Variants in GAS7 observed in about 807,000 individuals in gnomAD.
The protein encoded by GAS7 is growth arrest specific 7.
GAS7 carries 28 observed loss-of-function variants against 71.1 expected under a neutral mutation model. The observed-to-expected ratio is 0.39, with a 90% confidence interval of 0.29 to 0.54. The LOEUF is 0.54. GAS7 is among the 20% of genes least tolerant of loss of function. The pLI, the probability that GAS7 is intolerant of heterozygous loss-of-function variation, is 0.62. For missense variants in GAS7, 436 were observed against 627.8 expected (o/e 0.69, Z 3.27); for synonymous variants, 258 against 245.8 (o/e 1.05, Z -0.46).
chr17:10,185,342 T>G (rs1374908408), intron 1 of GAS7, among the ~76,000 whole-genome samples: 1 of 152,100 alleles, frequency 6.6e-6, no homozygotes, highest in East Asian at 1.9e-4. Context: ...TGCCCTGGCA[T>G]TGAACAGGCA....
At chr17:9,998,678 A>AGAAAAG (rs368017485) in intron 2 of GAS7, among the ~76,000 whole-genome samples, 20,205 of 149,790 alleles carry the variant, frequency 0.13, 1,873 homozygotes, top group African/African-American at 0.25. Flanking sequence ...ACAGAAAGAC[A>AGAAAAG]GAAAAGGAAA....
At chr17:9,939,730 C>T (rs1480597747) in intron 8 of GAS7, among the ~76,000 whole-genome samples, 1 of 152,160 alleles carries the variant, frequency 6.6e-6, no homozygotes, top group Non-Finnish European at 1.5e-5. Context: ...CTGCCTCAGC[C>T]TCCCAAGTAG....
chr17:10,154,512 C>A (rs72810903), intron 1 of GAS7, among the ~76,000 whole-genome samples: 14,770 of 143,538 alleles, frequency 0.1, 877 homozygotes, highest in Non-Finnish European at 0.14. Flanking sequence ...TCAAGAAAAA[C>A]AAAAAAAAAA....
intron 2 of GAS7, among the ~76,000 whole-genome samples, chr17:9,991,464 G>A (rs187700791): frequency 7.1e-4 from 108 of 152,316 alleles, no homozygotes; most frequent in Non-Finnish European, 2.2e-4. Context: ...ATGGGATGAA[G>A]CAGAGGCCCC....
chr17:10,082,460 C>A (rs1236194431), intron 1 of GAS7, among the ~76,000 whole-genome samples: 12 of 152,180 alleles, frequency 7.9e-5, no homozygotes, highest in Admixed American at 7.9e-4. Flanking sequence ...CCATGGGAAA[C>A]TACATCATAC....
chr17:10,127,158 C>A (rs1236056103), intron 1 of GAS7, among the ~76,000 whole-genome samples: 1 of 152,196 alleles, frequency 6.6e-6, no homozygotes, highest in Admixed American at 6.5e-5. Context: ...ATGCTCCCTG[C>A]ATTTTGAACC....
chr17:10,064,967 T>C (rs1287665111), intron 1 of GAS7, among the ~76,000 whole-genome samples: 1 of 151,822 alleles, frequency 6.6e-6, no homozygotes, highest in Non-Finnish European at 1.5e-5. Context: ...ACTACAGGTG[T>C]GTGCCACCAC....
intron 1 of GAS7, among the ~76,000 whole-genome samples, chr17:10,116,506 T>C (rs932311825): frequency 1.3e-5 from 2 of 151,970 alleles, no homozygotes; most frequent in Admixed American, 1.3e-4. Flanking sequence ...GCCGGGCTGC[T>C]CACAGCCACT....
In GAS7 at chr17:9,916,355, G is replaced by A. The variant is rs911890132; in HGVS notation, c.*873C>T. On this transcript the variant is annotated 3_prime_UTR_variant, in exon 14 of 14. Coordinates refer to ENST00000432992, the MANE Select transcript of GAS7 (RefSeq NM_201433.2). ...AGCTTGCTGGCCTCTGAGACGAGCT[G>A]GTTTGTTTCCATCCCTGAAGCCTTT... is the stretch of plus-strand genomic sequence containing the variant. 4 of 233,236 alleles carry A rather than the reference G, an allele frequency of 1.7e-5. No homozygotes were observed. Among genetic ancestry groups the A allele is most frequent in the African/African-American group, 8.8e-5 (4 of 45,350 alleles). The allele number at this position is 233,236 out of a possible 1,614,324, so 14.4% of individuals were successfully genotyped here. A position where few individuals can be genotyped will look rare whatever the true frequency, so the allele number is the denominator to read the frequency against.
chr17:10,076,200 G>A (rs2073388871), intron 1 of GAS7, among the ~76,000 whole-genome samples: 1 of 69,536 alleles, frequency 1.4e-5, no homozygotes, highest in African/African-American at 6.2e-5. Context: ...AAAGGGAGAG[G>A]GAGAAGTGGG....
At chr17:9,938,344 T>C (rs1168794490) in intron 8 of GAS7, among the ~76,000 whole-genome samples, 3 of 150,966 alleles carry the variant, frequency 2.0e-5, no homozygotes, top group Non-Finnish European at 4.4e-5. Flanking sequence ...CCGTCTCTAC[T>C]AAAAATACAA....
intron 1 of GAS7, among the ~76,000 whole-genome samples, chr17:10,090,408 T>A (rs2073569457): frequency 6.6e-6 from 1 of 152,212 alleles, no homozygotes; most frequent in South Asian, 2.1e-4. Context: ...GAGTTTGTCC[T>A]GATTTATACA....
At chr17:10,072,040 T>C (rs1268811377) in intron 1 of GAS7, among the ~76,000 whole-genome samples, 1 of 151,630 alleles carries the variant, frequency 6.6e-6, no homozygotes, top group African/African-American at 2.4e-5. Flanking sequence ...TGAGGAGAAA[T>C]GCTGCCACGT....
intron 1 of GAS7, among the ~76,000 whole-genome samples, chr17:10,041,491 G>A (rs776605621): frequency 5.3e-5 from 8 of 152,274 alleles, no homozygotes; most frequent in East Asian, 1.9e-4. Context: ...GGACCTTTCC[G>A]GGCCATTACA....
chr17:10,019,552 A>T (rs1282847144), intron 2 of GAS7, among the ~76,000 whole-genome samples: 1 of 152,058 alleles, frequency 6.6e-6, no homozygotes, highest in East Asian at 1.9e-4. Flanking sequence ...TCAAACCATA[A>T]AGGGCAGCCT....
At chr17:10,159,312 A>T (rs2074233276) in intron 1 of GAS7, among the ~76,000 whole-genome samples, 1 of 151,762 alleles carries the variant, frequency 6.6e-6, no homozygotes, top group Admixed American at 6.6e-5. Flanking sequence ...CCCTAGGTGA[A>T]TACCCAACAC....
At chr17:9,980,677 GC>G (rs1267833422) in intron 3 of GAS7, among the ~76,000 whole-genome samples, 1 of 152,178 alleles carries the variant, frequency 6.6e-6, no homozygotes, top group African/African-American at 2.4e-5. Flanking sequence ...GCCAGGCTCT[GC>G]GGACTGAGGA....
intron 1 of GAS7, among the ~76,000 whole-genome samples, chr17:10,094,857 C>A (rs2073624543): frequency 6.6e-6 from 1 of 152,166 alleles, no homozygotes; most frequent in Non-Finnish European, 1.5e-5. Context: ...TTTGTAACCA[C>A]CATTCAGGCA....
At chr17:10,073,287 G>C (rs904111241) in intron 1 of GAS7, among the ~76,000 whole-genome samples, 1 of 152,140 alleles carries the variant, frequency 6.6e-6, no homozygotes, top group Middle Eastern at 3.2e-3. Context: ...TCCACCCCAG[G>C]GGCTCTGACA....
Sources: allele counts gnomAD v4.1 joint callset (sites outside exome capture counted in the v4.1 genomes callset), GRCh38; gene constraint gnomAD v4.1.1; transcripts MANE v1.5; gene names NCBI Gene and HGNC (gene_info 2026-07-23, HGNC 2026-07-21).